Variants in NT5DC1 observed in about 807,000 individuals in gnomAD.
NT5DC1 encodes the protein 5'-nucleotidase domain-containing protein 1.
A neutral mutation model predicts 59.4 loss-of-function variants in NT5DC1; 42 were observed. The ratio of observed to expected loss-of-function variants is 0.71; its 90% CI spans 0.55 to 0.92. The LOEUF is 0.92. NT5DC1 is among the 40% of genes least tolerant of loss of function. The pLI is 0.00. For missense variants in NT5DC1, 501 were observed against 537.1 expected (o/e 0.93, Z 0.66); for synonymous variants, 172 against 188.1 (o/e 0.91, Z 0.70).
chr6:116,175,199 G>T (rs958541755), intron 6 of NT5DC1, among the ~76,000 whole-genome samples: 1 of 152,016 alleles, frequency 6.6e-6, no homozygotes, highest in Non-Finnish European at 1.5e-5. Context: ...AGGATACAGA[G>T]CATTTCCAGG....
chr6:116,108,199 T>C (rs1778803606), intron 2 of NT5DC1, among the ~76,000 whole-genome samples, 165 bp from the exon 3 acceptor site: 1 of 152,234 alleles, frequency 6.6e-6, no homozygotes, highest in South Asian at 2.1e-4. Context: ...GTGATAGATA[T>C]TTAATTTTAC....
rs527296581 is a variant in NT5DC1 at position 116,169,114 on chromosome 6, G to A, written c.529+51169G>A. On this transcript the variant is annotated intron_variant, in intron 6 of 11. Coordinates refer to ENST00000319550, the MANE Select transcript of NT5DC1 (RefSeq NM_152729.3). ...CTCTCCTTTACTTTTCTTGAAGTTG[G>A]TGTTACTGCTAATTCCAGGCAGAAG... Among the ~76,000 whole-genome samples the A allele has an allele frequency of 2.8e-4, 43 of 152,264 alleles. No individual in the cohort carries two copies. In the Middle Eastern group the frequency reaches 0.01, roughly 36 times the overall value.
chr6:116,119,125 A>G (rs1454373659), intron 6 of NT5DC1: 1 of 152,692 alleles, frequency 6.5e-6, no homozygotes, highest in Non-Finnish European at 1.5e-5. Context: ...ACAGCAATAT[A>G]AAAATACAGT....
chr6:116,230,513 G>A (rs1781999081), intron 8 of NT5DC1, among the ~76,000 whole-genome samples: 1 of 152,154 alleles, frequency 6.6e-6, no homozygotes, highest in Non-Finnish European at 1.5e-5. Flanking sequence ...TGTTAAAATG[G>A]AGATTCTGAT....
intron 6 of NT5DC1, chr6:116,137,255 A>G (rs1266299034): frequency 6.4e-6 from 1 of 156,210 alleles, no homozygotes; most frequent in East Asian, 1.8e-4. Flanking sequence ...ATTTCAACAT[A>G]TCGTCTCCAT....
rs771118636 is a variant in NT5DC1 at position 116,121,445 on chromosome 6, T to C, written c.529+3500T>C. 26 of 1,613,962 alleles carry C rather than the reference T, an allele frequency of 1.6e-5. No individual in the cohort carries two copies. Among genetic ancestry groups the C allele is most frequent in the Middle Eastern group, 3.3e-4 (2 of 6,084 alleles). On this transcript the variant is annotated intron_variant, in intron 6 of 11. Coordinates refer to ENST00000319550, the MANE Select transcript of NT5DC1 (RefSeq NM_152729.3). Reference sequence around the variant, plus strand: ...GCCTGGCTGTCCTGGAACCCCATTTTCACCTCTTTTTCCCACTCCAGGAGG... The same window carrying C: ...GCCTGGCTGTCCTGGAACCCCATTTCCACCTCTTTTTCCCACTCCAGGAGG...
intron 8 of NT5DC1, among the ~76,000 whole-genome samples, chr6:116,235,900 A>AGCCAATG (rs11283097): frequency 0.42 from 64,286 of 151,684 alleles, 17,532 homozygotes; most frequent in African/African-American, 0.78. Context: ...TTTACAATAA[A>AGCCAATG]GCCAATGAAG....
chr6:116,160,708 G>A (rs1047680598), intron 6 of NT5DC1, among the ~76,000 whole-genome samples: 3 of 152,144 alleles, frequency 2.0e-5, no homozygotes, highest in African/African-American at 4.8e-5. Flanking sequence ...CCAGTGTCCA[G>A]AAGAGTTTCC....
At chr6:116,234,043 C>T (rs896260488) in intron 8 of NT5DC1, among the ~76,000 whole-genome samples, 2 of 128,266 alleles carry the variant, frequency 1.6e-5, no homozygotes, top group East Asian at 2.8e-4. Flanking sequence ...AGTCTGCAAT[C>T]GCCACCTCCT....
At chr6:116,179,044 G>C (rs1338333296) in intron 6 of NT5DC1, among the ~76,000 whole-genome samples, 1 of 152,088 alleles carries the variant, frequency 6.6e-6, no homozygotes, top group East Asian at 1.9e-4. Flanking sequence ...GTCAAAGTAA[G>C]TTTGTAAAAT....
rs1306163012 is a variant in NT5DC1 at position 116,131,233 on chromosome 6, G to T, written c.529+13288G>T. ...ATTCACCAAGAGCCAATATAAGCCA[G>T]CTCCAGCAAACATTGTATATTTCTG... On this transcript the variant is annotated intron_variant, in intron 6 of 11. Coordinates refer to ENST00000319550, the MANE Select transcript of NT5DC1 (RefSeq NM_152729.3). Among the ~76,000 whole-genome samples the T allele has an allele frequency of 3.3e-5, 5 of 152,082 alleles. No homozygotes were observed. The South Asian group carries it at 1.0e-3, about 32-fold the overall frequency.
chr6:116,201,854 C>T (rs143897754), intron 6 of NT5DC1, among the ~76,000 whole-genome samples: 4 of 152,112 alleles, frequency 2.6e-5, no homozygotes, highest in African/African-American at 9.6e-5. Context: ...TTTTTAAATG[C>T]TCTATTTCTG....
At chr6:116,172,254 A>G (rs987685908) in intron 6 of NT5DC1, among the ~76,000 whole-genome samples, 1 of 151,082 alleles carries the variant, frequency 6.6e-6, no homozygotes, top group Non-Finnish European at 1.5e-5. Context: ...TTAAGGTTAT[A>G]TTAGATAAGT....
At chr6:116,144,914 G>A (rs76278940) in intron 6 of NT5DC1, among the ~76,000 whole-genome samples, 4,398 of 152,274 alleles carry the variant, frequency 0.029, 239 homozygotes, top group African/African-American at 0.099. Flanking sequence ...GGCTGATGGC[G>A]TTGAAAGTTA....
chr6:116,223,746 G>T (rs898511558), intron 8 of NT5DC1, among the ~76,000 whole-genome samples: 3 of 152,166 alleles, frequency 2.0e-5, no homozygotes, highest in Non-Finnish European at 2.9e-5. Context: ...GATATCTGTT[G>T]TGTCTTTTAT....
intron 6 of NT5DC1, among the ~76,000 whole-genome samples, chr6:116,186,350 C>G (rs1177545927): frequency 6.6e-6 from 1 of 150,732 alleles, no homozygotes; most frequent in African/African-American, 2.4e-5. Context: ...GACTGTGTGC[C>G]TAGGTGGTGA....
chr6:116,197,994 A>G (rs765831038), intron 6 of NT5DC1, among the ~76,000 whole-genome samples: 5 of 152,188 alleles, frequency 3.3e-5, no homozygotes, highest in South Asian at 2.1e-4. Flanking sequence ...TTATGGCCCC[A>G]GGGCACCTAG....
chr6:116,119,379 C>G (rs1208203100), intron 6 of NT5DC1: 1 of 152,366 alleles, frequency 6.6e-6, no homozygotes, highest in Non-Finnish European at 1.5e-5. Flanking sequence ...TAAAAAGCTT[C>G]TCTGCAATCA....
At chr6:116,125,143 A>G (rs552989772) in intron 6 of NT5DC1, among the ~76,000 whole-genome samples, 1 of 152,328 alleles carries the variant, frequency 6.6e-6, no homozygotes, top group African/African-American at 2.4e-5. Context: ...TATATTTTCA[A>G]GTATATCCTT....
Sources: gnomAD v4.1 joint callset for allele counts (sites outside exome capture counted in the v4.1 genomes callset) on GRCh38, gnomAD v4.1.1 for gene constraint, MANE v1.5 for transcripts, NCBI Gene and HGNC (gene_info 2026-07-23, HGNC 2026-07-21) for gene names.